The following IFT74 variants were observed in gnomAD, a reference collection of about 807,000 sequenced individuals.
The protein encoded by IFT74 is intraflagellar transport protein 74 homolog.
In IFT74, 92 loss-of-function variants were observed where a neutral mutation model predicts 96.7. That is an observed-to-expected ratio of 0.95 (90% CI 0.80 to 1.13). The LOEUF is 1.13. Among genes scored for constraint, IFT74 ranks in the 50% most tolerant of loss-of-function variants. The pLI is 0.00. For missense variants in IFT74, 811 were observed against 698.2 expected (o/e 1.16, Z -1.82); for synonymous variants, 223 against 213.2 (o/e 1.05, Z -0.40).
intron 13 of IFT74, among the ~76,000 whole-genome samples, chr9:27,042,441 A>G (rs2063018083): frequency 6.6e-6 from 1 of 152,186 alleles, no homozygotes; most frequent in Admixed American, 6.5e-5. Flanking sequence ...AAGAAAATTG[A>G]AAAGTTGTAC....
At chr9:27,012,937 T>C (rs1421910803) in intron 10 of IFT74, among the ~76,000 whole-genome samples, 1 of 152,030 alleles carries the variant, frequency 6.6e-6, no homozygotes, top group African/African-American at 2.4e-5. Context: ...CAGGATGGTC[T>C]CGATCTCCTG....
Position 27,056,600 on chromosome 9 carries a change from C to T in IFT74, c.1623+141C>T. 20 of 642,740 alleles carry T rather than the reference C, an allele frequency of 3.1e-5. No individual in the cohort carries two copies. In the South Asian group the frequency reaches 4.2e-4, roughly 13 times the overall value. 39.8% of individuals were successfully genotyped at this position (642,740 alleles called of 1,614,324 possible). On this transcript the variant is annotated intron_variant, in intron 18 of 19. Transcript: ENST00000380062. ...AGACAGCCAGATTCTGTACAGTCTTCATTCAGAATGAATGGACTCCTGCTT... is the reference window on the plus strand; with the variant it reads ...AGACAGCCAGATTCTGTACAGTCTTTATTCAGAATGAATGGACTCCTGCTT...
chr9:27,055,419 A>C (rs1253354246), intron 16 of IFT74, among the ~76,000 whole-genome samples, 190 bp from the exon 17 acceptor site: 2 of 152,110 alleles, frequency 1.3e-5, no homozygotes, highest in African/African-American at 4.8e-5. Flanking sequence ...TATATTGGTT[A>C]CCTGAAATTG....
upstream of IFT74, among the ~76,000 whole-genome samples, chr9:26,954,941 G>C (rs1330043912): frequency 6.6e-6 from 1 of 152,112 alleles, no homozygotes; most frequent in Non-Finnish European, 1.5e-5. Flanking sequence ...GCAAATAAGT[G>C]AGATGTATTC....
intron 8 of IFT74, among the ~76,000 whole-genome samples, chr9:27,004,037 A>T (rs1828647178): frequency 6.6e-6 from 1 of 152,148 alleles, no homozygotes; most frequent in Non-Finnish European, 1.5e-5. Context: ...TTTTTTCCAG[A>T]AACAAATAGG....
chr9:26,948,279 A>G (rs1825809901), intron 1 of IFT74, among the ~76,000 whole-genome samples: 1 of 152,038 alleles, frequency 6.6e-6, no homozygotes, highest in African/African-American at 2.4e-5. Context: ...ATTTCTAGCT[A>G]TCTGTTAGAA....
rs10967656 is a variant in IFT74 at position 27,005,358 on chromosome 9, C to A, written c.588-3662C>A. Among the ~76,000 whole-genome samples, 80 of 46,126 alleles carry A rather than the reference C, an allele frequency of 1.7e-3. 5 individuals are homozygous for A. Among genetic ancestry groups the A allele is most frequent in the Non-Finnish European group, 2.0e-3 (50 of 24,454 alleles). The allele number at this position is 46,126 out of a possible 152,430, so 30.3% of individuals were successfully genotyped here. ...TTGGCTAGATGAAACCATTTCCCCC[C>A]CCGCCCCCCGCAAAACAATTACTTA... On this transcript the variant is annotated intron_variant, in intron 8 of 19. Transcript: ENST00000380062.
At chr9:26,963,207 T>G (rs1439243380) in intron 2 of IFT74, among the ~76,000 whole-genome samples, 1 of 151,560 alleles carries the variant, frequency 6.6e-6, no homozygotes, top group Non-Finnish European at 1.5e-5. Flanking sequence ...GAATATGCGG[T>G]GTTTGGTTTT....
At chr9:27,054,175 C>T (rs1820057640) in intron 16 of IFT74, among the ~76,000 whole-genome samples, 1 of 152,176 alleles carries the variant, frequency 6.6e-6, no homozygotes, top group African/African-American at 2.4e-5. Flanking sequence ...TTTTACTCTT[C>T]AAATTCATTC....
chr9:26,988,741 A>T lies in IFT74; in HGVS notation c.525+13A>T, dbSNP rs971049840. The T allele has an allele frequency of 9.9e-6, 15 of 1,514,184 alleles. No individual in the cohort carries two copies. The highest frequency in any genetic ancestry group is 1.4e-5 in the African/African-American group (1 of 71,554). 93.8% of individuals were successfully genotyped at this position (1,514,184 alleles called of 1,614,324 possible). A position where few individuals can be genotyped will look rare whatever the true frequency, so the allele number is the denominator to read the frequency against. On this transcript the variant is annotated intron_variant, in intron 7 of 19. Transcript: ENST00000380062. ...TGATTACAATATGGTAAGAAAATTT[A>T]TAAAAGCAAATTGATCTATGTAAGT... is the stretch of plus-strand genomic sequence containing the variant.
intron 1 of IFT74, among the ~76,000 whole-genome samples, chr9:26,948,861 C>G (rs1233497800): frequency 6.6e-6 from 1 of 152,140 alleles, no homozygotes; most frequent in African/African-American, 2.4e-5. Flanking sequence ...CTCTCTTACT[C>G]TAGACATTTC....
At chr9:26,977,533 A>G (rs1827179113) in intron 2 of IFT74, among the ~76,000 whole-genome samples, 3 of 152,190 alleles carry the variant, frequency 2.0e-5, no homozygotes, top group African/African-American at 7.2e-5. Context: ...CTATCGCCCA[A>G]GCTAGAGTGC....
chr9:27,001,888 A>T (rs1301242975), intron 8 of IFT74, among the ~76,000 whole-genome samples: 1 of 150,870 alleles, frequency 6.6e-6, no homozygotes, highest in African/African-American at 2.4e-5. Context: ...ACACAAAAAA[A>T]TCTTTGTCCA....
intron 10 of IFT74, among the ~76,000 whole-genome samples, chr9:27,014,186 G>T (rs1829239728): frequency 6.6e-6 from 1 of 152,186 alleles, no homozygotes; most frequent in South Asian, 2.1e-4. Flanking sequence ...CTGCACTCCA[G>T]CCTGGGCGAC....
At chr9:27,011,609 G>A (rs887086599) in intron 9 of IFT74, among the ~76,000 whole-genome samples, 1 of 150,386 alleles carries the variant, frequency 6.6e-6, no homozygotes, top group Non-Finnish European at 1.5e-5. Flanking sequence ...AGTGTGAAAA[G>A]GTCTAAGGTC....
At chr9:27,038,327 A>G (rs1819298956) in intron 13 of IFT74, among the ~76,000 whole-genome samples, 1 of 152,042 alleles carries the variant, frequency 6.6e-6, no homozygotes, top group African/African-American at 2.4e-5. Context: ...CAATGGCGCG[A>G]TTTTAGCTCA....
intron 1 of IFT74, among the ~76,000 whole-genome samples, chr9:26,961,722 A>C (rs536657237): frequency 4.1e-4 from 63 of 152,260 alleles, no homozygotes; most frequent in African/African-American, 1.4e-3. Context: ...AGGGGCTTGC[A>C]TTTTGGTAAG....
intron 8 of IFT74, among the ~76,000 whole-genome samples, chr9:27,006,831 GTTTTT>G (rs35534656): frequency 1.6e-5 from 1 of 64,342 alleles, no homozygotes; most frequent in Non-Finnish European, 2.9e-5. Context: ...ATTATTGTGT[GTTTTT>G]TTTTTTTTTT....
chr9:27,000,123 G>A (rs898328617), intron 8 of IFT74, among the ~76,000 whole-genome samples: 5 of 152,090 alleles, frequency 3.3e-5, no homozygotes, highest in Admixed American at 6.6e-5. Context: ...TGTGAAACAA[G>A]TGCATGGCCA....
Sources: allele counts gnomAD v4.1 joint callset (sites outside exome capture counted in the v4.1 genomes callset), GRCh38; gene constraint gnomAD v4.1.1; transcripts MANE v1.5; gene names NCBI Gene and HGNC (gene_info 2026-07-23, HGNC 2026-07-21).